Variants in ST6GALNAC5 observed in about 807,000 individuals in gnomAD.
ST6GALNAC5 encodes ST6 N-acetylgalactosaminide alpha-2,6-sialyltransferase 5.
Under a neutral mutation model 33.6 loss-of-function variants are expected in ST6GALNAC5, and 27 were observed. The observed-to-expected ratio is 0.80, with a 90% CI of 0.59 to 1.11. The LOEUF (loss-of-function observed/expected upper bound fraction) is 1.11. ST6GALNAC5 is among the 50% of genes least tolerant of loss of function. The pLI is 0.00. For synonymous variants in ST6GALNAC5, 194 were observed against 171.2 expected (o/e 1.13, Z -1.04); for missense variants, 428 against 454.0 (o/e 0.94, Z 0.52).
intron 2 of ST6GALNAC5, among the ~76,000 whole-genome samples, chr1:76,912,330 G>A (rs923431654): frequency 6.6e-6 from 1 of 151,960 alleles, no homozygotes; most frequent in Non-Finnish European, 1.5e-5. Flanking sequence ...TTGCTGAGGG[G>A]AGCTTTACTT....
chr1:76,958,256 C>G (rs941627242), intron 2 of ST6GALNAC5, among the ~76,000 whole-genome samples: 1 of 152,102 alleles, frequency 6.6e-6, no homozygotes, highest in Non-Finnish European at 1.5e-5. Flanking sequence ...TTTTATTTGT[C>G]CTTTTTTCTT....
At chr1:76,962,252 G>A (rs1648269200) in intron 2 of ST6GALNAC5, among the ~76,000 whole-genome samples, 1 of 152,206 alleles carries the variant, frequency 6.6e-6, no homozygotes, top group African/African-American at 2.4e-5. Flanking sequence ...GGTTGTGTCT[G>A]AAAGTAGTGT....
At chr1:76,878,609 G>T (rs1282928817) in intron 2 of ST6GALNAC5, among the ~76,000 whole-genome samples, 1 of 152,116 alleles carries the variant, frequency 6.6e-6, no homozygotes, top group Non-Finnish European at 1.5e-5. Flanking sequence ...TGCATAAATT[G>T]TCAGTAATGT....
At chr1:77,003,566 G>T (rs1650262235) in intron 2 of ST6GALNAC5, among the ~76,000 whole-genome samples, 1 of 151,582 alleles carries the variant, frequency 6.6e-6, no homozygotes. Context: ...CTCATTAGTT[G>T]ATGCAGTTTC....
chr1:77,062,937 T>A, intron 4 of ST6GALNAC5, 38 bp from the exon 5 acceptor site: 5 of 1,572,048 alleles, frequency 3.2e-6, no homozygotes, highest in Non-Finnish European at 4.4e-6. Context: ...AAAAAAAATT[T>A]TTTTGCTTTA....
chr1:77,009,811 T>G lies in ST6GALNAC5; in HGVS notation c.262-34393T>G, dbSNP rs72681838. 8.7e-3 allele frequency among the ~76,000 whole-genome samples: 1,329 copies of G among 152,326 alleles called. 10 individuals carry two copies. The highest frequency in any genetic ancestry group is 0.024 in the Middle Eastern group (7 of 294). Reference sequence around the variant, plus strand: ...TCTTACCAGTCTTAGAGTATTTTCTTAGGCCAAATTGCCAATTTCCTCTTT... The same window carrying G: ...TCTTACCAGTCTTAGAGTATTTTCTGAGGCCAAATTGCCAATTTCCTCTTT... On this transcript the variant is annotated intron_variant, in intron 2 of 4. Coordinates refer to ENST00000477717, the MANE Select transcript of ST6GALNAC5 (RefSeq NM_030965.3).
intron 3 of ST6GALNAC5, among the ~76,000 whole-genome samples, chr1:77,045,287 G>A (rs1570132947): frequency 1.3e-5 from 2 of 152,306 alleles, no homozygotes; most frequent in South Asian, 4.1e-4. Flanking sequence ...GAACAGAGTA[G>A]AATAGAAAAG....
At chr1:76,898,059 G>A (rs777674019) in intron 2 of ST6GALNAC5, among the ~76,000 whole-genome samples, 2 of 152,232 alleles carry the variant, frequency 1.3e-5, no homozygotes, top group African/African-American at 4.8e-5. Context: ...AAGAAGATCT[G>A]GGAAGGAGTC....
chr1:77,034,033 C>T (rs754127094), intron 2 of ST6GALNAC5, among the ~76,000 whole-genome samples: 25 of 152,054 alleles, frequency 1.6e-4, no homozygotes, highest in Admixed American at 3.3e-4. Flanking sequence ...CAGAGGGTAG[C>T]GACCTTGTTG....
chr1:76,996,456 G>A (rs545867202), intron 2 of ST6GALNAC5, among the ~76,000 whole-genome samples: 1 of 152,294 alleles, frequency 6.6e-6, no homozygotes, highest in South Asian at 2.1e-4. Context: ...TGTTAAACAT[G>A]TACATTTCTA....
At chr1:76,937,893 A>C (rs1250245649) in intron 2 of ST6GALNAC5, among the ~76,000 whole-genome samples, 1 of 151,732 alleles carries the variant, frequency 6.6e-6, no homozygotes, top group African/African-American at 2.4e-5. Context: ...GCTCCACCAC[A>C]CTCTATTGTC....
At chr1:76,968,326 C>T (rs1648587176) in intron 2 of ST6GALNAC5, among the ~76,000 whole-genome samples, 1 of 152,134 alleles carries the variant, frequency 6.6e-6, no homozygotes, top group African/African-American at 2.4e-5. Flanking sequence ...GATCCCTTTG[C>T]CATTATGTAA....
In ST6GALNAC5 at chr1:76,969,209, G is replaced by T. The variant is rs79453787; in HGVS notation, c.262-74995G>T. ...CCCATGGAGGGCAAGCCGAAGCAGGGTGGTGCATTGTCTGAACCAGGAAGT... is the reference window on the plus strand; with the variant it reads ...CCCATGGAGGGCAAGCCGAAGCAGGTTGGTGCATTGTCTGAACCAGGAAGT... On this transcript the variant is annotated intron_variant, in intron 2 of 4. Transcript: ENST00000477717. Among the ~76,000 whole-genome samples, 725 of 152,280 alleles carry T rather than the reference G, an allele frequency of 4.8e-3. 10 individuals are homozygous for T. Among genetic ancestry groups the T allele is most frequent in the African/African-American group, 0.017 (698 of 41,556 alleles).
At chr1:76,969,178 G>A (rs1421724498) in intron 2 of ST6GALNAC5, among the ~76,000 whole-genome samples, 1 of 152,192 alleles carries the variant, frequency 6.6e-6, no homozygotes, top group African/African-American at 2.4e-5. Context: ...TGGACAGGGG[G>A]TGTAGCCCAT....
At chr1:76,931,611 G>A (rs1647142808) in intron 2 of ST6GALNAC5, among the ~76,000 whole-genome samples, 1 of 152,086 alleles carries the variant, frequency 6.6e-6, no homozygotes, top group South Asian at 2.1e-4. Context: ...ATTTAAAACA[G>A]TATATACACC....
At chr1:77,011,166 G>A (rs931842029) in intron 2 of ST6GALNAC5, among the ~76,000 whole-genome samples, 3 of 152,132 alleles carry the variant, frequency 2.0e-5, no homozygotes, top group East Asian at 1.9e-4. Flanking sequence ...ACATGAGAGC[G>A]GCACTCAGTA....
Position 77,063,050 on chromosome 1 carries a change from C to T in ST6GALNAC5, c.855C>T (p.Ser285=), listed in dbSNP as rs752823380. 9 of 1,613,770 alleles carry T rather than the reference C, an allele frequency of 5.6e-6. No homozygotes were observed. In the East Asian group the frequency reaches 2.0e-4, roughly 36 times the overall value. Residue 285 remains serine (S), a synonymous_variant, in exon 5 of 5, where the codon TCC becomes TCT. Transcript: ENST00000477717. ...CTGATGAATGTACAATGTACCTCTC[C>T]CATGAGCGAGGACGCAAGGGCAGTC... is the stretch of plus-strand genomic sequence containing the variant. ...FGPDECTMYL[S]HERGRKGSHH...
At position 76,991,238 on chromosome 1, in the gene ST6GALNAC5, T is replaced by C. The variant is rs372262077; in HGVS notation, c.262-52966T>C. On this transcript the variant is annotated intron_variant, in intron 2 of 4. Coordinates refer to ENST00000477717, the MANE Select transcript of ST6GALNAC5 (RefSeq NM_030965.3). ...ATAAAATTTTATTCAGAATAAAATT[T>C]CAAAGCTATTTTATTCTGTACCAAA... Among the ~76,000 whole-genome samples, 22 of 152,322 alleles carry C rather than the reference T, an allele frequency of 1.4e-4. No individual in the cohort carries two copies. The East Asian group carries it at 1.7e-3, about 12-fold the overall frequency.
intron 2 of ST6GALNAC5, among the ~76,000 whole-genome samples, chr1:76,942,269 C>T (rs111296969): frequency 6.6e-6 from 1 of 152,020 alleles, no homozygotes; most frequent in Non-Finnish European, 1.5e-5. Flanking sequence ...ATGCAGTATT[C>T]CTGAAATTGG....
Sources: gnomAD v4.1 joint callset for allele counts (sites outside exome capture counted in the v4.1 genomes callset) on GRCh38, gnomAD v4.1.1 for gene constraint, MANE v1.5 for transcripts, NCBI Gene and HGNC (gene_info 2026-07-23, HGNC 2026-07-21) for gene names.